The following DNM2 variants were observed in gnomAD, a reference collection of about 807,000 sequenced individuals.
DNM2 encodes dynamin-2.
Under a neutral mutation model 99.0 loss-of-function variants are expected in DNM2, and 15 were observed. The ratio of observed to expected loss-of-function variants is 0.15; its 90% CI spans 0.10 to 0.23. The LOEUF is 0.23. Among genes scored for constraint, DNM2 ranks in the 10% least tolerant of loss-of-function variants. The pLI is 1.00. For synonymous variants in DNM2, 525 were observed against 481.2 expected, an observed-to-expected ratio of 1.09 and a Z score of -1.19; for missense variants, 742 against 1,189.4, an observed-to-expected ratio of 0.62 and a Z score of 5.53.
chr19:10,773,433 C>T (rs571658268), intron 3 of DNM2, among the ~76,000 whole-genome samples: 6 of 140,264 alleles, frequency 4.3e-5, no homozygotes, highest in East Asian at 2.1e-4. Context: ...AGACGTGAGC[C>T]GCCGCGCCCG....
At chr19:10,757,374 C>T (rs186884974) in intron 1 of DNM2, among the ~76,000 whole-genome samples, 25 of 152,302 alleles carry the variant, frequency 1.6e-4, no homozygotes, top group Admixed American at 6.5e-4. Flanking sequence ...ATCTCCCCCC[C>T]GACGCCAGCC....
At position 10,829,138 on chromosome 19, in the gene DNM2, G is replaced by A. The variant is rs1012446714; in HGVS notation, c.2161G>A (p.Asp721Asn). 3 of 1,613,864 alleles carry A rather than the reference G, an allele frequency of 1.9e-6. No homozygotes were observed. The highest frequency in any genetic ancestry group is 1.7e-6 in the Non-Finnish European group (2 of 1,180,002). The part of the protein sequence containing the change: ...ESADQAQRRD[D>N]MLRMYHALKE... ...GGCTGACCAGGCACAGCGGCGGGAC[G>A]ACATGCTGCGCATGTACCATGCCCT... Residue 721 changes from aspartate to asparagine, a missense_variant, in exon 19 of 21, where the codon GAC (aspartate) becomes AAC (asparagine). Physicochemically the swap from Asp to Asn is conservative, Grantham distance 23 (BLOSUM62 1). Transcript: ENST00000389253.
intron 1 of DNM2, 177 bp downstream of exon 1, chr19:10,718,580 C>A: frequency 5.2e-6 from 5 of 966,276 alleles, no homozygotes; most frequent in Non-Finnish European, 6.6e-6. Flanking sequence ...GGACTCCCTG[C>A]AGGGGCTCCG....
intron 3 of DNM2, among the ~76,000 whole-genome samples, chr19:10,774,771 A>T (rs1426098063): frequency 1.9e-4 from 18 of 96,742 alleles, no homozygotes; most frequent in Middle Eastern, 7.4e-3. Flanking sequence ...TTTCTTTATT[A>T]TATATTTATT....
chr19:10,817,555 G>A lies in DNM2; in HGVS notation c.1672-2425G>A, dbSNP rs2072795930. 1 of 417,238 alleles carries A rather than the reference G, an allele frequency of 2.4e-6. No individual in the cohort carries two copies. 25.8% of individuals were successfully genotyped at this position (417,238 alleles called of 1,614,324 possible). A position where few individuals can be genotyped will look rare whatever the true frequency, so the allele number is the denominator to read the frequency against. On this transcript the variant is annotated intron_variant, in intron 15 of 20. Coordinates refer to ENST00000389253, the MANE Select transcript of DNM2 (RefSeq NM_001005361.3). This position sits in a 1 kb window ranked among gnomAD's most constrained non-coding sequence, Gnocchi z 4.6. Reference sequence around the variant, plus strand: ...GCAGACGCTGGGGCCACCAGGCCAGGCCGTGCCTCAGCACCTCTGAGCAGC... The same window carrying A: ...GCAGACGCTGGGGCCACCAGGCCAGACCGTGCCTCAGCACCTCTGAGCAGC...
intron 1 of DNM2, among the ~76,000 whole-genome samples, chr19:10,738,789 G>C (rs760507640): frequency 9.2e-5 from 14 of 151,370 alleles, no homozygotes; most frequent in Non-Finnish European, 1.6e-4. Flanking sequence ...AGAAGTGCCT[G>C]AACCCAGGAG....
intron 1 of DNM2, among the ~76,000 whole-genome samples, chr19:10,726,351 G>A (rs532068604): frequency 1.3e-5 from 2 of 152,078 alleles, no homozygotes; most frequent in South Asian, 2.1e-4. Context: ...GTGAGCCGCC[G>A]AACCCGGCCT....
At chr19:10,722,990 G>A (rs190904164) in intron 1 of DNM2, among the ~76,000 whole-genome samples, 26 of 149,724 alleles carry the variant, frequency 1.7e-4, no homozygotes, top group Non-Finnish European at 2.7e-4. Context: ...TTTTTGAGAC[G>A]GAGTCTGGCT....
intron 7 of DNM2, among the ~76,000 whole-genome samples, chr19:10,789,981 C>T (rs1337892021): frequency 6.6e-6 from 1 of 152,260 alleles, no homozygotes; most frequent in Non-Finnish European, 1.5e-5. Flanking sequence ...AGTTGCCTTG[C>T]AGGGCCCTCC....
At chr19:10,794,144 A>G (rs962452060) in intron 8 of DNM2, among the ~76,000 whole-genome samples, 1 of 152,234 alleles carries the variant, frequency 6.6e-6, no homozygotes, top group Non-Finnish European at 1.5e-5. Flanking sequence ...TTTACATGAG[A>G]AGATGTCCCT....
intron 12 of DNM2, among the ~76,000 whole-genome samples, chr19:10,803,001 G>A (rs920924224): frequency 2.6e-5 from 4 of 152,206 alleles, no homozygotes; most frequent in Non-Finnish European, 4.4e-5. Flanking sequence ...GAGGCAGGCC[G>A]GGTGGTGCCG....
intron 1 of DNM2, among the ~76,000 whole-genome samples, chr19:10,732,597 C>A (rs1363976008): frequency 6.6e-6 from 1 of 151,458 alleles, no homozygotes; most frequent in Admixed American, 6.6e-5. Context: ...GAGACTCCGT[C>A]TCAAAAAAAA....
chr19:10,804,995 G>A (rs1283458679), intron 12 of DNM2, among the ~76,000 whole-genome samples: 3 of 152,218 alleles, frequency 2.0e-5, no homozygotes, highest in African/African-American at 7.2e-5. Context: ...GATATATGTT[G>A]TTTGCAAGTG....
At chr19:10,722,242 C>G (rs1231357618) in intron 1 of DNM2, among the ~76,000 whole-genome samples, 1 of 152,164 alleles carries the variant, frequency 6.6e-6, no homozygotes, top group Non-Finnish European at 1.5e-5. Context: ...CCAGCTGCCA[C>G]AGTCCCCACT....
intron 1 of DNM2, among the ~76,000 whole-genome samples, chr19:10,750,364 A>G (rs1351640476): frequency 6.6e-6 from 1 of 152,020 alleles, no homozygotes; most frequent in Non-Finnish European, 1.5e-5. Flanking sequence ...CTGCAGTCCC[A>G]GTTACTTGGG....
At chr19:10,806,796 AAATAAT>A (rs1423593159) in intron 13 of DNM2, among the ~76,000 whole-genome samples, 1 of 152,078 alleles carries the variant, frequency 6.6e-6, no homozygotes, top group Non-Finnish European at 1.5e-5. Context: ...CTGTCTCCAA[AAATAAT>A]AATAATAAAG....
At chr19:10,815,230 C>T (rs1234937597) in intron 15 of DNM2, among the ~76,000 whole-genome samples, 1 of 152,224 alleles carries the variant, frequency 6.6e-6, no homozygotes, top group Non-Finnish European at 1.5e-5. Flanking sequence ...ATACCCATCA[C>T]CATGTAGCCT....
At chr19:10,740,565 G>A (rs774614424) in intron 1 of DNM2, among the ~76,000 whole-genome samples, 7 of 152,048 alleles carry the variant, frequency 4.6e-5, no homozygotes, top group Non-Finnish European at 8.8e-5. Flanking sequence ...TGGTGGAGAC[G>A]GGGTTTCACC....
At chr19:10,794,031 C>T (rs2071843000) in intron 8 of DNM2, among the ~76,000 whole-genome samples, 176 bp downstream of exon 8, 1 of 152,202 alleles carries the variant, frequency 6.6e-6, no homozygotes, top group Admixed American at 6.5e-5. Context: ...TTCTGACACT[C>T]AGCTTTGAGG....
Sources: gnomAD v4.1 joint callset for allele counts (sites outside exome capture counted in the v4.1 genomes callset) on GRCh38, gnomAD v4.1.1 for gene constraint, Gnocchi (gnomAD v3.1) non-coding constraint, MANE v1.5 for transcripts, NCBI Gene and HGNC (gene_info 2026-07-23, HGNC 2026-07-21) for gene names.